SLC8A3: variants seen among roughly 807,000 people sequenced by gnomAD.
SLC8A3 encodes the protein solute carrier family 8 member A3, also known as sodium/calcium exchanger 3.
In SLC8A3, 37 loss-of-function variants were observed where a neutral mutation model predicts 65.4. That is an observed-to-expected ratio of 0.57 (90% CI 0.44 to 0.74). The LOEUF (loss-of-function observed/expected upper bound fraction) is 0.74. Ranked by LOEUF, SLC8A3 falls within the 30% of genes least tolerant of loss-of-function variation. The pLI, the probability that SLC8A3 is intolerant of heterozygous loss-of-function variation, is 0.00. For synonymous variants in SLC8A3, 461 were observed against 444.5 expected, an observed-to-expected ratio of 1.04 and a Z score of -0.47; for missense variants, 1,112 against 1,172.1, an observed-to-expected ratio of 0.95 and a Z score of 0.75.
chr14:70,165,373 G>T (rs1242295000), intron 2 of SLC8A3, among the ~76,000 whole-genome samples: 2 of 152,092 alleles, frequency 1.3e-5, no homozygotes, highest in East Asian at 1.9e-4. Flanking sequence ...AGCTTCTATG[G>T]CTCCCCACTT....
At chr14:70,126,558 TCTCTCTCTCTCTCA>T (rs1894455963) in intron 2 of SLC8A3, among the ~76,000 whole-genome samples, 3 of 94,800 alleles carry the variant, frequency 3.2e-5, no homozygotes, top group East Asian at 5.2e-4. Context: ...TCTCTCTCTC[TCTCTCTCTCTCTCA>T]CACACACACA....
At chr14:70,066,482 AC>A (rs34934993) in intron 2 of SLC8A3, among the ~76,000 whole-genome samples, 53,908 of 151,650 alleles carry the variant, frequency 0.36, 9,759 homozygotes, top group East Asian at 0.44. Flanking sequence ...TTAATTTACT[AC>A]CCCCCTTCCT....
intron 2 of SLC8A3, among the ~76,000 whole-genome samples, chr14:70,101,374 T>C (rs1892538916): frequency 6.6e-6 from 1 of 151,996 alleles, no homozygotes; most frequent in Admixed American, 6.6e-5. Context: ...TGGTGGATCA[T>C]TGTTAATGGG....
At chr14:70,177,018 G>C (rs1035296052) in intron 1 of SLC8A3, among the ~76,000 whole-genome samples, 2 of 152,132 alleles carry the variant, frequency 1.3e-5, no homozygotes, top group African/African-American at 4.8e-5. Flanking sequence ...CAGCTTATGT[G>C]TCACAGGCTG....
chr14:70,157,758 A>T (rs1329094539), intron 2 of SLC8A3, among the ~76,000 whole-genome samples: 1 of 151,998 alleles, frequency 6.6e-6, no homozygotes, highest in Non-Finnish European at 1.5e-5. Flanking sequence ...TTACAATTAA[A>T]CCCTCTCGTT....
chr14:70,105,829 C>T (rs901629427), intron 2 of SLC8A3, among the ~76,000 whole-genome samples: 3 of 152,086 alleles, frequency 2.0e-5, no homozygotes, highest in Admixed American at 2.0e-4. Context: ...AAAGACACCA[C>T]AAATACTTAA....
At chr14:70,055,786 C>A (rs368450327) in intron 3 of SLC8A3, 5 of 1,607,092 alleles carry the variant, frequency 3.1e-6, no homozygotes, top group Non-Finnish European at 4.2e-6. Flanking sequence ...GGGGACAAGA[C>A]ACCTCTTACC....
intron 2 of SLC8A3, among the ~76,000 whole-genome samples, chr14:70,148,324 T>G (rs1346941334): frequency 1.3e-5 from 2 of 152,216 alleles, no homozygotes; most frequent in East Asian, 1.9e-4. Flanking sequence ...TTTATCAGGA[T>G]GTAACCCCAT....
chr14:70,149,288 T>C (rs145459837), intron 2 of SLC8A3, among the ~76,000 whole-genome samples: 201 of 152,326 alleles, frequency 1.3e-3, no homozygotes, highest in African/African-American at 4.8e-3. Flanking sequence ...AGAATCAGGC[T>C]GGAGAATAGT....
chr14:70,181,744 G>T (rs979323063), intron 1 of SLC8A3, among the ~76,000 whole-genome samples: 15 of 152,118 alleles, frequency 9.9e-5, no homozygotes, highest in Admixed American at 9.2e-4. Context: ...ACAAGGAACT[G>T]CAAAAAATGG....
Position 70,048,938 on chromosome 14 carries a change from C to T in SLC8A3, c.2218G>A (p.Val740Met). ...TVFWKVLFAC[V>M]PPTEYCHGWA... ...CCGTGGCAGTACTCTGTGGGGGGCA[C>T]ACAGGCAAACAGCACCTTCCAGAAG... Residue 740 changes from valine to methionine, a missense_variant, in exon 6 of 7, where the codon GTG becomes ATG. By Grantham distance (21) the Val-to-Met change is conservative. Coordinates refer to ENST00000356921, the MANE Select transcript of SLC8A3 (RefSeq NM_182932.3). 3 of 1,614,232 alleles carry T rather than the reference C, an allele frequency of 1.9e-6. No homozygotes were observed. Among genetic ancestry groups the T allele is most frequent in the Non-Finnish European group, 2.5e-6 (3 of 1,180,048 alleles).
At chr14:70,188,235 T>C (rs779592387) in intron 1 of SLC8A3, 144 bp downstream of exon 1, 1 of 152,566 alleles carries the variant, frequency 6.6e-6, no homozygotes, top group Non-Finnish European at 1.5e-5. Flanking sequence ...AGGCGGTTCA[T>C]ATGAATGATC....
chr14:70,099,466 G>A (rs1892416838), intron 2 of SLC8A3, among the ~76,000 whole-genome samples: 1 of 152,294 alleles, frequency 6.6e-6, no homozygotes, highest in Middle Eastern at 3.4e-3. Flanking sequence ...CTAGCATAAT[G>A]ACTGTAAAGA....
chr14:70,095,676 C>G (rs757534214), intron 2 of SLC8A3, among the ~76,000 whole-genome samples: 1 of 152,136 alleles, frequency 6.6e-6, no homozygotes, highest in East Asian at 1.9e-4. Flanking sequence ...GAGGGTGGAT[C>G]CTGATTTTTC....
At chr14:70,054,953 G>C (rs1887919092) in intron 3 of SLC8A3, among the ~76,000 whole-genome samples, 1 of 151,938 alleles carries the variant, frequency 6.6e-6, no homozygotes, top group Non-Finnish European at 1.5e-5. Flanking sequence ...AAAATATATT[G>C]AAACTGTCTT....
chr14:70,058,152 AT>A (rs1436098878), intron 3 of SLC8A3, among the ~76,000 whole-genome samples: 1 of 151,928 alleles, frequency 6.6e-6, no homozygotes, highest in Non-Finnish European at 1.5e-5. Flanking sequence ...CCAGTCTCTC[AT>A]TTTTTTAATG....
rs36057761 is a variant in SLC8A3, at chr14:70,137,786, C to CTTTTT, written c.1784+28848_1784+28852dup. On this transcript the variant is annotated intron_variant, in intron 2 of 6. Transcript: ENST00000356921. ...TCTCTGATTTGAGAGCTGGTGGTGCCTTTTTTTTTTTTTTTTTCTAATTTG... is the reference window on the plus strand; with the variant it reads ...TCTCTGATTTGAGAGCTGGTGGTGCCTTTTTTTTTTTTTTTTTTTTTTCTAATTTG... Among the ~76,000 whole-genome samples, 1,069 of 132,172 alleles carry CTTTTT rather than the reference C, an allele frequency of 8.1e-3. 23 individuals carry two copies. The highest frequency in any genetic ancestry group is 0.027 in the African/African-American group (981 of 35,842). The allele number at this position is 132,172 out of a possible 152,430, so 86.7% of individuals were successfully genotyped here. A position where few individuals can be genotyped will look rare whatever the true frequency, so the allele number is the denominator to read the frequency against.
At chr14:70,094,882 A>G (rs1480573819) in intron 2 of SLC8A3, among the ~76,000 whole-genome samples, 1 of 152,208 alleles carries the variant, frequency 6.6e-6, no homozygotes, top group Non-Finnish European at 1.5e-5. Context: ...TGAGTTGAGT[A>G]TTATCGTTCC....
intron 2 of SLC8A3, among the ~76,000 whole-genome samples, chr14:70,099,750 C>G (rs532118493): frequency 2.6e-5 from 4 of 152,294 alleles, no homozygotes; most frequent in Admixed American, 2.0e-4. Context: ...ACGATTGATT[C>G]AGGAATTATA....
Sources: allele counts gnomAD v4.1 joint callset (sites outside exome capture counted in the v4.1 genomes callset), GRCh38; gene constraint gnomAD v4.1.1; transcripts MANE v1.5; gene names NCBI Gene and HGNC (gene_info 2026-07-23, HGNC 2026-07-21).